CCNE2: variants seen among roughly 807,000 people sequenced by gnomAD.
CCNE2 encodes G1/S-specific cyclin-E2.
In CCNE2, 18 loss-of-function variants were observed where a neutral mutation model predicts 56.8. The observed-to-expected ratio is 0.32, with a 90% confidence interval of 0.22 to 0.47. The LOEUF (loss-of-function observed/expected upper bound fraction) is 0.47. Among genes scored for constraint, CCNE2 ranks in the 20% least tolerant of loss-of-function variants. The pLI is 1.00. For missense variants in CCNE2, 371 were observed against 467.1 expected, an observed-to-expected ratio of 0.79 and a Z score of 1.90; for synonymous variants, 139 against 149.2, an observed-to-expected ratio of 0.93 and a Z score of 0.50.
chr8:94,885,251 C>A, intron 8 of CCNE2, 50 bp from the exon 9 acceptor site: 1 of 1,519,960 alleles, frequency 6.6e-7, no homozygotes, highest in East Asian at 2.3e-5. Context: ...GACACATACA[C>A]CACATTATAC....
chr8:94,895,594 C>A (rs1229385322), upstream of CCNE2, among the ~76,000 whole-genome samples: 1 of 152,196 alleles, frequency 6.6e-6, no homozygotes, highest in South Asian at 2.1e-4. Flanking sequence ...GGACACGACT[C>A]GGGCGACCAT....
At chr8:94,891,692 A>G (rs946067524) in intron 5 of CCNE2, 4 of 591,180 alleles carry the variant, frequency 6.8e-6, no homozygotes, top group South Asian at 3.5e-5. Context: ...ACCATGAAGT[A>G]TTTTTAAAAT....
At position 94,882,768 on chromosome 8, in the gene CCNE2, TAG is replaced by T. The variant is rs759341033; in HGVS notation, c.943+11_943+12del. On this transcript the variant is annotated intron_variant, in intron 10 of 11. Coordinates refer to ENST00000308108, the MANE Select transcript of CCNE2 (RefSeq NM_057749.3). The stretch of plus-strand genomic sequence containing the variant: ...TGTGAAAAGGTAAGAAGACAACAAA[TAG>T]AGAGTCTTACCTGAGGCTTTCTTAA... The T allele has an allele frequency of 2.1e-5, 32 of 1,547,224 alleles. No homozygotes were observed. The South Asian group carries it at 2.3e-4, about 11-fold the overall frequency.
chr8:94,896,313 G>A (rs1289964934), upstream of CCNE2: 1 of 147,554 alleles, frequency 6.8e-6, no homozygotes, highest in Non-Finnish European at 1.5e-5. Flanking sequence ...CGCGCGAGCC[G>A]GCAGCGCGGG....
intron 6 of CCNE2, among the ~76,000 whole-genome samples, chr8:94,889,072 C>T (rs538852199): frequency 6.6e-5 from 10 of 151,386 alleles, no homozygotes; most frequent in Non-Finnish European, 1.0e-4. Flanking sequence ...CGCTTGAACG[C>T]GAGATGCAGA....
Position 94,888,057 on chromosome 8 carries a change from G to A in CCNE2, c.470C>T (p.Thr157Ile), listed in dbSNP as rs1409441824. The change falls in exon 7 of 12, where the codon ACA (threonine) becomes ATA (isoleucine). Residue 157 changes from threonine (T) to isoleucine (I), a missense_variant. Transcript: ENST00000308108. ...DWLLEVCEVY[T>I]LHRETFYLAQ... is the part of the protein sequence containing the mutation. ...AAGATAAAATGTTTCCCTATGAAGT[G>A]TGTATACTTCACATACCTAGAGAAG... The A allele has an allele frequency of 1.1e-5, 17 of 1,564,618 alleles. No homozygotes were observed. The highest frequency in any genetic ancestry group is 1.4e-5 in the Non-Finnish European group (16 of 1,153,894).
upstream of CCNE2, chr8:94,896,637 C>T (rs1294302421): frequency 6.6e-6 from 1 of 151,970 alleles, no homozygotes; most frequent in Non-Finnish European, 1.5e-5. Context: ...CTGAGCGAGC[C>T]GGACGGCGAG....
Position 94,881,531 on chromosome 8 carries a change from C to CAATCA in CCNE2, c.*96_*100dup, listed in dbSNP as rs1274057266. 1.7e-5 allele frequency: 20 copies of CAATCA among 1,172,596 alleles called. No individual in the cohort carries two copies. The South Asian group carries it at 2.8e-4, about 16-fold the overall frequency. The allele number at this position is 1,172,596 out of a possible 1,614,324, so 72.6% of individuals were successfully genotyped here. Reference sequence around the variant, plus strand: ...AGTGTAACTTGTGAATTGGCTAGGGCAATCAATCACAGCACTACTTTCTGT... The same window carrying CAATCA: ...AGTGTAACTTGTGAATTGGCTAGGGCAATCAAATCAATCACAGCACTACTTTCTGT... On this transcript the variant is annotated 3_prime_UTR_variant, in exon 12 of 12. Coordinates refer to ENST00000308108, the MANE Select transcript of CCNE2 (RefSeq NM_057749.3).
At chr8:94,892,669 ACT>A in intron 5 of CCNE2, 147 bp downstream of exon 5, 1 of 480,184 alleles carries the variant, frequency 2.1e-6, no homozygotes, top group East Asian at 3.6e-5. Flanking sequence ...AACCAGCACT[ACT>A]CTCAGATAAA....
chr8:94,887,886 T>G, intron 7 of CCNE2, 41 bp downstream of exon 7: 1 of 1,416,626 alleles, frequency 7.1e-7, no homozygotes, highest in East Asian at 2.5e-5. Context: ...AAAAAAAAGT[T>G]TGGGATAAAT....
rs547724781 is a variant in CCNE2 at position 94,894,942 on chromosome 8, A to G, written c.-27+235T>C. On this transcript the variant is annotated intron_variant, in intron 1 of 11. Transcript: ENST00000308108. ...CTCTCTCCCACGGGATAGCTCCCCA[A>G]ATGAGGGTGGGATAGAGAAGCCCCT... Among the ~76,000 whole-genome samples the G allele has an allele frequency of 2.1e-3, 316 of 152,234 alleles. 3 individuals are homozygous for G. Among genetic ancestry groups the G allele is most frequent in the African/African-American group, 7.4e-3 (308 of 41,564 alleles).
At chr8:94,886,740 T>C (rs1313892566) in intron 7 of CCNE2, among the ~76,000 whole-genome samples, 1 of 152,112 alleles carries the variant, frequency 6.6e-6, no homozygotes, top group East Asian at 1.9e-4. Flanking sequence ...GTCTAGAAAC[T>C]AAAAACATTT....
At position 94,880,670 on chromosome 8, in the gene CCNE2, A is replaced by C; in HGVS notation, c.*962T>G. The C allele has an allele frequency of 2.5e-6, 1 of 393,400 alleles. No homozygotes were observed. Among genetic ancestry groups the C allele is most frequent in the Non-Finnish European group, 4.5e-6 (1 of 223,366 alleles). The allele number at this position is 393,400 out of a possible 1,614,324, so 24.4% of individuals were successfully genotyped here. ...AAGTTTAGGTCAAGTGTTAAGCTTT[A>C]TCACTTTGACACTGTCCTTATCTCA... On this transcript the variant is annotated 3_prime_UTR_variant, in exon 12 of 12. Coordinates refer to ENST00000308108, the MANE Select transcript of CCNE2 (RefSeq NM_057749.3).
At chr8:94,887,810 A>G (rs1817092356) in intron 7 of CCNE2, 117 bp downstream of exon 7, 4 of 619,254 alleles carry the variant, frequency 6.5e-6, no homozygotes, top group Non-Finnish European at 1.1e-5. Context: ...CTGAGAAACA[A>G]AAACATTCAC....
intron 5 of CCNE2, chr8:94,891,237 A>G: frequency 5.6e-6 from 1 of 179,034 alleles, no homozygotes; most frequent in Non-Finnish European, 1.2e-5. Context: ...TAATCTGTGA[A>G]AATAGCTGGC....
At chr8:94,893,407 C>T (rs1817319464) in intron 4 of CCNE2, 1 of 159,714 alleles carries the variant, frequency 6.3e-6, no homozygotes, top group African/African-American at 2.4e-5. Flanking sequence ...AAAATGGAAT[C>T]GATTACTTAA....
chr8:94,892,169 A>C (rs1244916605), intron 5 of CCNE2: 1 of 487,984 alleles, frequency 2.0e-6, no homozygotes, highest in African/African-American at 2.0e-5. Context: ...GAGCAATACA[A>C]AAAAGTTAAA....
chr8:94,881,472 T>C lies in CCNE2; in HGVS notation c.*160A>G. On this transcript the variant is annotated 3_prime_UTR_variant, in exon 12 of 12. Coordinates refer to ENST00000308108, the MANE Select transcript of CCNE2 (RefSeq NM_057749.3). ...ATAGGAAATAATTAAATGTATTCTT[T>C]AGTGCCAATTGTAAGTTTTAAAATC... 2 of 636,318 alleles carry C rather than the reference T, an allele frequency of 3.1e-6. No homozygotes were observed. The highest frequency in any genetic ancestry group is 5.4e-6 in the Non-Finnish European group (2 of 370,760). 39.4% of individuals were successfully genotyped at this position (636,318 alleles called of 1,614,324 possible).
At chr8:94,886,718 C>T (rs1817054442) in intron 7 of CCNE2, among the ~76,000 whole-genome samples, 1 of 152,112 alleles carries the variant, frequency 6.6e-6, no homozygotes, top group Admixed American at 6.5e-5. Flanking sequence ...AGCAAAGCAC[C>T]CAACAAATAA....
Sources: allele counts gnomAD v4.1 joint callset (sites outside exome capture counted in the v4.1 genomes callset), GRCh38; gene constraint gnomAD v4.1.1; transcripts MANE v1.5; gene names NCBI Gene and HGNC (gene_info 2026-07-23, HGNC 2026-07-21).